Variants in ATP13A2 observed in about 807,000 individuals in gnomAD.
ATP13A2 encodes ATPase cation transporting 13A2.
A neutral mutation model predicts 138.3 loss-of-function variants in ATP13A2; 83 were observed. That is an observed-to-expected ratio of 0.60 (90% CI 0.50 to 0.72). The LOEUF (loss-of-function observed/expected upper bound fraction) is 0.72, where lower values mean the gene tolerates loss of function less well. ATP13A2 is among the 30% of genes least tolerant of loss of function. The pLI is 0.00. For synonymous variants in ATP13A2, 663 were observed against 699.0 expected, an observed-to-expected ratio of 0.95 and a Z score of 0.81; for missense variants, 1,402 against 1,606.4, an observed-to-expected ratio of 0.87 and a Z score of 2.17.
rs1231299950 is a variant in ATP13A2, at chr1:16,985,976, CT to C, written c.*244del. 7 of 1,443,686 alleles carry C rather than the reference CT, an allele frequency of 4.8e-6. No homozygotes were observed. Among genetic ancestry groups the C allele is most frequent in the Non-Finnish European group, 6.4e-6 (7 of 1,096,844 alleles). The allele number at this position is 1,443,686 out of a possible 1,614,324, so 89.4% of individuals were successfully genotyped here. A position where few individuals can be genotyped will look rare whatever the true frequency, so the allele number is the denominator to read the frequency against. On this transcript the variant is annotated 3_prime_UTR_variant, in exon 29 of 29. Transcript: ENST00000326735. ...CAGCAGAGCCAGGAAAATATCATGA[CT>C]TTATTTGCTACACTGACAGCAGCAC... is the stretch of plus-strand genomic sequence containing the variant.
intron 20 of ATP13A2, among the ~76,000 whole-genome samples, chr1:16,991,237 C>T (rs2076918164): frequency 1.3e-5 from 2 of 151,994 alleles, no homozygotes; most frequent in Admixed American, 6.6e-5. Flanking sequence ...AGGCGTGAGA[C>T]ACTGTGCCCG....
chr1:16,993,963 ATG>A (rs1258321703), intron 15 of ATP13A2, 128 bp from the exon 16 acceptor site: 1 of 789,748 alleles, frequency 1.3e-6, no homozygotes, highest in East Asian at 2.8e-5. Context: ...GAGCCAAAAG[ATG>A]ACCTTTCTTG....
At position 16,986,848 on chromosome 1, in the gene ATP13A2, G is replaced by A. The variant is rs9435659; in HGVS notation, c.3192C>T (p.Ala1064=). Residue 1064 remains alanine, a synonymous_variant, in exon 27 of 29, where the codon GCC becomes GCT. Transcript: ENST00000326735. This position sits in a 1 kb window ranked among gnomAD's most constrained non-coding sequence, Gnocchi z 6.9. ...GGCGGAAGGGCGCCCCCTTGGACAC[G>A]GCTGCAGCCAGGATGAGGTACTGGA... ...SSFQYLILAA[A]VSKGAPFRRP... is the part of the protein sequence containing the mutation. 800,554 of 1,613,386 alleles carry A rather than the reference G, an allele frequency of 0.5. 204,781 individuals carry two copies. The highest frequency in any genetic ancestry group is 0.53 in the Non-Finnish European group (623,953 of 1,179,744).
intron 1 of ATP13A2, among the ~76,000 whole-genome samples, chr1:17,009,910 G>T (rs1366471220): frequency 6.6e-6 from 1 of 152,074 alleles, no homozygotes; most frequent in Non-Finnish European, 1.5e-5. Flanking sequence ...CTCCCTGCAG[G>T]GATCAAGCCC....
chr1:17,000,193 T>TC, intron 10 of ATP13A2, 51 bp from the exon 11 acceptor site: 4 of 1,547,714 alleles, frequency 2.6e-6, no homozygotes, highest in East Asian at 2.3e-5. Flanking sequence ...GCCCCAGCCA[T>TC]GCCCCCCCAC....
chr1:16,997,128 G>A lies in ATP13A2; in HGVS notation c.1087C>T (p.Pro363Ser). ...CGCCGGTGTGTCTCTGCACAGTAGG[G>A]CCCCAGCCCCTCCGGCAGTGCCGTC... ...LKTALPEGLGPYCAETHRRHT... is the reference protein window; with the variant it reads ...LKTALPEGLGSYCAETHRRHT... The change falls in exon 12 of 29, where the codon CCC (proline) becomes TCC (serine). Residue 363 changes from proline (P) to serine (S), a missense_variant. Pro to Ser is a moderately conservative substitution (Grantham distance 74). Coordinates refer to ENST00000326735, the MANE Select transcript of ATP13A2 (RefSeq NM_022089.4). 2 of 1,613,684 alleles carry A rather than the reference G, an allele frequency of 1.2e-6. No homozygotes were observed. Among genetic ancestry groups the A allele is most frequent in the Non-Finnish European group, 1.7e-6 (2 of 1,180,020 alleles).
In ATP13A2 at chr1:16,992,013, T is replaced by C. The variant is rs2076948971; in HGVS notation, c.2122A>G (p.Thr708Ala). Residue 708 changes from threonine to alanine, a missense_variant, in exon 19 of 29, where the codon ACG (threonine) becomes GCG (alanine). Coordinates refer to ENST00000326735, the MANE Select transcript of ATP13A2 (RefSeq NM_022089.4). ...VPSLEAAQQLTRDTVEGDLSL... is the reference protein window; with the variant it reads ...VPSLEAAQQLARDTVEGDLSL... Reference sequence around the variant, plus strand: ...TGGGACAGGAGACAGGCCCACCTCGTCAGTTGCTGGGCTGCCTCCAGGCTG... The same window carrying C: ...TGGGACAGGAGACAGGCCCACCTCGCCAGTTGCTGGGCTGCCTCCAGGCTG... 1 of 1,612,544 alleles carries C rather than the reference T, an allele frequency of 6.2e-7. No individual in the cohort carries two copies. Among genetic ancestry groups the C allele is most frequent in the East Asian group, 2.2e-5 (1 of 44,818 alleles).
At position 17,000,437 on chromosome 1, in the gene ATP13A2, G is replaced by A; in HGVS notation, c.803C>T (p.Ser268Phe). Reference sequence around the variant, plus strand: ...GTACAGCGACAGGCAGATGGAGATGGAGGAAATGAGGAAGATGCACAGGGC... The same window carrying A: ...GTACAGCGACAGGCAGATGGAGATGAAGGAAATGAGGAAGATGCACAGGGC... ...WYALCIFLISSISICLSLYKT... is the reference protein window; with the variant it reads ...WYALCIFLISFISICLSLYKT... The change falls in exon 9 of 29, where the codon TCC (serine) becomes TTC (phenylalanine). Residue 268 changes from serine (S) to phenylalanine (F), a missense_variant. Transcript: ENST00000326735. 5 of 1,614,082 alleles carry A rather than the reference G, an allele frequency of 3.1e-6. No homozygotes were observed. The highest frequency in any genetic ancestry group is 4.2e-6 in the Non-Finnish European group (5 of 1,179,968).
At position 16,986,691 on chromosome 1, in the gene ATP13A2, C is replaced by G. The variant is rs1350780461; in HGVS notation, c.3236-59G>C. ...CGCCCCCCCGGCACCCACAGACACA[C>G]GTGTGCACGCCAGTCTTCCACTCGG... On this transcript the variant is annotated intron_variant, in intron 27 of 28. Coordinates refer to ENST00000326735, the MANE Select transcript of ATP13A2 (RefSeq NM_022089.4). The surrounding 1 kb of genome is among the most constrained non-coding windows in gnomAD (Gnocchi z 6.9). 10 of 1,569,618 alleles carry G rather than the reference C, an allele frequency of 6.4e-6. No individual in the cohort carries two copies. The highest frequency in any genetic ancestry group is 7.7e-6 in the Non-Finnish European group (9 of 1,162,224).
intron 1 of ATP13A2, among the ~76,000 whole-genome samples, chr1:17,009,192 A>G (rs1055038779): frequency 1.3e-5 from 2 of 151,204 alleles, no homozygotes; most frequent in Non-Finnish European, 2.9e-5. Context: ...CAGCACATCT[A>G]CTCCTGACAT....
intron 11 of ATP13A2, among the ~76,000 whole-genome samples, chr1:16,998,734 T>C (rs1282773418): frequency 2.6e-5 from 4 of 152,194 alleles, no homozygotes; most frequent in African/African-American, 9.7e-5. Context: ...GCGGGCCGGT[T>C]GAGTCAGTTA....
chr1:16,994,865 T>C (rs1404734846), intron 15 of ATP13A2, among the ~76,000 whole-genome samples: 2 of 151,994 alleles, frequency 1.3e-5, no homozygotes, highest in African/African-American at 4.8e-5. Context: ...GGTTTCACCA[T>C]ATTGGCCAGG....
rs2077102044 is a variant in ATP13A2 at position 16,995,912 on chromosome 1, G to A, written c.1542+64C>T. The A allele has an allele frequency of 1.3e-6, 2 of 1,593,500 alleles. No individual in the cohort carries two copies. The highest frequency in any genetic ancestry group is 1.3e-5 in the African/African-American group (1 of 74,634). On this transcript the variant is annotated intron_variant, in intron 15 of 28. Coordinates refer to ENST00000326735, the MANE Select transcript of ATP13A2 (RefSeq NM_022089.4). This position sits in a 1 kb window ranked among gnomAD's most constrained non-coding sequence, Gnocchi z 4.1. ...CTGCTGAGAGAATAACGCGGGTGTG[G>A]AGGCCTCACTGGGGCGCCTGTGGCT...
chr1:17,002,189 G>A lies in ATP13A2; in HGVS notation c.636-86C>T. The stretch of plus-strand genomic sequence containing the variant: ...GTGAAGGAGCTCCCCACTTTCAGCT[G>A]GGGGAACTGAGGCCCAGAGAAGGCA... On this transcript the variant is annotated intron_variant, in intron 7 of 28. Coordinates refer to ENST00000326735, the MANE Select transcript of ATP13A2 (RefSeq NM_022089.4). 2 of 1,575,704 alleles carry A rather than the reference G, an allele frequency of 1.3e-6. 1 individual carries two copies. Among genetic ancestry groups the A allele is most frequent in the South Asian group, 2.3e-5 (2 of 87,590 alleles).
chr1:17,003,897 C>T (rs182157033), intron 6 of ATP13A2, among the ~76,000 whole-genome samples: 33 of 152,190 alleles, frequency 2.2e-4, no homozygotes, highest in African/African-American at 1.4e-4. Context: ...CTCCTGACCT[C>T]GTGATCCACC....
intron 11 of ATP13A2, among the ~76,000 whole-genome samples, chr1:16,999,380 CAAAAAAAAAAAAA>C (rs67969184): frequency 3.6e-5 from 2 of 56,178 alleles, no homozygotes; most frequent in African/African-American, 1.5e-4. Flanking sequence ...AACTCCATCT[CAAAAAAAAAAAAA>C]AAAAAAAAAA....
At chr1:16,992,732 G>C in intron 16 of ATP13A2, 151 bp from the exon 17 acceptor site, 1 of 768,532 alleles carries the variant, frequency 1.3e-6, no homozygotes. Flanking sequence ...TCAAACTCTA[G>C]CTTTGCTACT....
intron 1 of ATP13A2, among the ~76,000 whole-genome samples, chr1:17,008,957 C>CAAA (rs59927720): frequency 9.0e-6 from 1 of 111,684 alleles, no homozygotes; most frequent in African/African-American, 3.3e-5. Context: ...GAGCAAGACT[C>CAAA]AAAAAAAAAA....
chr1:16,985,975 A>G lies in ATP13A2; in HGVS notation c.*246T>C, dbSNP rs1419347900. 34 of 1,442,818 alleles carry G rather than the reference A, an allele frequency of 2.4e-5. No homozygotes were observed. Among genetic ancestry groups the G allele is most frequent in the Non-Finnish European group, 3.0e-5 (33 of 1,096,482 alleles). The allele number at this position is 1,442,818 out of a possible 1,614,324, so 89.4% of individuals were successfully genotyped here. The stretch of plus-strand genomic sequence containing the variant: ...ACAGCAGAGCCAGGAAAATATCATG[A>G]CTTTATTTGCTACACTGACAGCAGC... On this transcript the variant is annotated 3_prime_UTR_variant, in exon 29 of 29. Transcript: ENST00000326735.
Sources: gnomAD v4.1 joint callset for allele counts (sites outside exome capture counted in the v4.1 genomes callset) on GRCh38, gnomAD v4.1.1 for gene constraint, Gnocchi (gnomAD v3.1) non-coding constraint, MANE v1.5 for transcripts, NCBI Gene and HGNC (gene_info 2026-07-23, HGNC 2026-07-21) for gene names.